Variants in RORA observed in about 807,000 individuals in gnomAD.
The protein encoded by RORA is nuclear receptor ROR-alpha.
In RORA, 7 loss-of-function variants were observed where a neutral mutation model predicts 69.5. The ratio of observed to expected loss-of-function variants is 0.10; its 90% CI spans 0.06 to 0.19. The LOEUF is 0.19. Among genes scored for constraint, RORA ranks in the 10% least tolerant of loss-of-function variants. The probability of loss-of-function intolerance (pLI) is 1.00; values close to 1 mark genes in which losing one functional copy is unlikely to be tolerated. For synonymous variants in RORA, 261 were observed against 240.8 expected (o/e 1.08, Z -0.78); for missense variants, 457 against 663.0 (o/e 0.69, Z 3.41).
At chr15:60,933,018 C>G (rs893883240) in intron 1 of RORA, among the ~76,000 whole-genome samples, 1 of 152,242 alleles carries the variant, frequency 6.6e-6, no homozygotes, top group Non-Finnish European at 1.5e-5. Context: ...GGTTGCCCCC[C>G]ACAGTCATGA....
At chr15:60,516,061 A>G (rs1286696244) in intron 3 of RORA, among the ~76,000 whole-genome samples, 1 of 62,736 alleles carries the variant, frequency 1.6e-5, no homozygotes, top group African/African-American at 7.5e-5. Context: ...ATATATTTAT[A>G]TATATTTATA....
chr15:61,025,385 C>A (rs889744368), intron 1 of RORA, among the ~76,000 whole-genome samples: 6 of 152,200 alleles, frequency 3.9e-5, no homozygotes, highest in Non-Finnish European at 8.8e-5. Context: ...AGGTCCCGGG[C>A]CCTAGCTGTG....
intron 1 of RORA, among the ~76,000 whole-genome samples, chr15:60,880,196 T>C (rs1285958156): frequency 2.0e-5 from 3 of 152,194 alleles, no homozygotes; most frequent in African/African-American, 7.2e-5. Context: ...ATCCTGTAGG[T>C]CTATAAGCCC....
intron 1 of RORA, among the ~76,000 whole-genome samples, chr15:60,931,931 T>G (rs1026252215): frequency 3.9e-5 from 6 of 152,190 alleles, no homozygotes; most frequent in Admixed American, 6.5e-5. Context: ...GCACTGCAGC[T>G]AAACATAATG....
chr15:60,906,259 G>A (rs1891537599), intron 1 of RORA, among the ~76,000 whole-genome samples: 1 of 152,134 alleles, frequency 6.6e-6, no homozygotes. Context: ...CCTTCTTGCT[G>A]CCTAATTGCA....
At chr15:60,970,694 T>C (rs1893689051) in intron 1 of RORA, among the ~76,000 whole-genome samples, 1 of 152,236 alleles carries the variant, frequency 6.6e-6, no homozygotes, top group South Asian at 2.1e-4. Flanking sequence ...GGTTTTATGA[T>C]ATTCATATGG....
At chr15:61,013,750 TCA>T (rs927087672) in intron 1 of RORA, among the ~76,000 whole-genome samples, 10 of 150,596 alleles carry the variant, frequency 6.6e-5, no homozygotes, top group African/African-American at 2.4e-4. Flanking sequence ...AAGTAAAGTC[TCA>T]GTTACTATAG....
intron 1 of RORA, among the ~76,000 whole-genome samples, chr15:60,837,554 C>A (rs543051974): frequency 2.6e-5 from 4 of 152,194 alleles, no homozygotes; most frequent in Non-Finnish European, 5.9e-5. Context: ...GCAAGAAAAT[C>A]GCCACCTCCT....
At chr15:60,896,724 G>T (rs775543393) in intron 1 of RORA, among the ~76,000 whole-genome samples, 47 of 134,724 alleles carry the variant, frequency 3.5e-4, no homozygotes, top group Admixed American at 2.0e-3. Context: ...AGACTCTGGA[G>T]AATTTAGCTT....
intron 2 of RORA, among the ~76,000 whole-genome samples, chr15:60,622,524 A>G (rs1317132595): frequency 2.0e-5 from 3 of 151,766 alleles, no homozygotes; most frequent in Non-Finnish European, 4.4e-5. Context: ...AGATAGGAGA[A>G]CCACCTGAGC....
intron 1 of RORA, among the ~76,000 whole-genome samples, chr15:60,844,977 T>C (rs341404): frequency 0.89 from 134,815 of 152,150 alleles, 60,423 homozygotes; most frequent in East Asian, 1. Flanking sequence ...GTTGTATAAG[T>C]GAAGGAAACC....
chr15:61,134,419 T>C (rs536308888), intron 1 of RORA, among the ~76,000 whole-genome samples: 150 of 152,276 alleles, frequency 9.9e-4, no homozygotes, highest in African/African-American at 3.5e-3. Flanking sequence ...CGGTGCCTCA[T>C]TTACAAGGCC....
intron 2 of RORA, among the ~76,000 whole-genome samples, chr15:60,660,364 A>G (rs932978265): frequency 1.4e-4 from 22 of 152,232 alleles, no homozygotes; most frequent in Admixed American, 1.2e-3. Flanking sequence ...GGCAACCTTA[A>G]TGGAATGCTT....
intron 1 of RORA, among the ~76,000 whole-genome samples, chr15:60,713,557 A>G (rs1403237727): frequency 6.6e-6 from 1 of 152,156 alleles, no homozygotes; most frequent in Admixed American, 6.5e-5. Context: ...GCCCCCGTAC[A>G]TTCCACTCTC....
At chr15:61,199,141 T>G (rs1567034393) in intron 1 of RORA, among the ~76,000 whole-genome samples, 1 of 152,186 alleles carries the variant, frequency 6.6e-6, no homozygotes, top group East Asian at 1.9e-4. Context: ...GCTTTTGCAT[T>G]TTAATTTAAC....
intron 1 of RORA, among the ~76,000 whole-genome samples, chr15:60,880,470 C>G (rs1400834982): frequency 6.6e-6 from 1 of 152,172 alleles, no homozygotes; most frequent in Non-Finnish European, 1.5e-5. Context: ...GAAACCCCAT[C>G]TCTACTAAAA....
chr15:60,895,499 C>T (rs1052523993), intron 1 of RORA, among the ~76,000 whole-genome samples: 10 of 152,136 alleles, frequency 6.6e-5, no homozygotes, highest in African/African-American at 1.9e-4. Flanking sequence ...TCTCAACAGT[C>T]GTAAATGGGT....
At chr15:60,883,314 T>C (rs527246183) in intron 1 of RORA, among the ~76,000 whole-genome samples, 5 of 152,088 alleles carry the variant, frequency 3.3e-5, no homozygotes, top group East Asian at 3.9e-4. Flanking sequence ...AGGGACTCTT[T>C]TGGAAAACTG....
At chr15:60,867,823 T>A (rs964412751) in intron 1 of RORA, among the ~76,000 whole-genome samples, 3 of 152,184 alleles carry the variant, frequency 2.0e-5, no homozygotes, top group Non-Finnish European at 4.4e-5. Flanking sequence ...GAACTGTGAA[T>A]TGACAATGTC....
Sources: allele counts gnomAD v4.1 joint callset (sites outside exome capture counted in the v4.1 genomes callset), GRCh38; gene constraint gnomAD v4.1.1; transcripts MANE v1.5; gene names NCBI Gene and HGNC (gene_info 2026-07-23, HGNC 2026-07-21).